The following NMNAT2 variants were observed in gnomAD, a reference collection of about 807,000 sequenced individuals.
NMNAT2 encodes nicotinamide nucleotide adenylyltransferase 2, also known as nicotinamide/nicotinic acid mononucleotide adenylyltransferase 2.
A neutral mutation model predicts 41.6 loss-of-function variants in NMNAT2; 11 were observed. The observed-to-expected ratio is 0.26, with a 90% CI of 0.17 to 0.44. The LOEUF is 0.44. Among genes scored for constraint, NMNAT2 ranks in the 20% least tolerant of loss-of-function variants. NMNAT2 has a pLI of 1.00. For synonymous variants in NMNAT2, 148 were observed against 151.2 expected, an observed-to-expected ratio of 0.98 and a Z score of 0.16; for missense variants, 288 against 407.7, an observed-to-expected ratio of 0.71 and a Z score of 2.53.
chr1:183,306,013 C>T (rs894727956), intron 1 of NMNAT2, among the ~76,000 whole-genome samples: 5 of 152,148 alleles, frequency 3.3e-5, no homozygotes, highest in Non-Finnish European at 5.9e-5. Context: ...TGAGCCACCG[C>T]GCCCGGCCCT....
At chr1:183,362,887 T>C (rs1223599232) in intron 1 of NMNAT2, among the ~76,000 whole-genome samples, 1 of 152,240 alleles carries the variant, frequency 6.6e-6, no homozygotes, top group African/African-American at 2.4e-5. Flanking sequence ...AATCAACAAT[T>C]GTATGAGGGT....
chr1:183,402,722 T>TC (rs1195159758), intron 1 of NMNAT2, among the ~76,000 whole-genome samples: 2 of 151,936 alleles, frequency 1.3e-5, no homozygotes, highest in Admixed American at 6.6e-5. Context: ...CCACTGCTGC[T>TC]CCCCCCTCCA....
chr1:183,389,816 GAAAGAAAGA>G (rs1648404594), intron 1 of NMNAT2, among the ~76,000 whole-genome samples: 1 of 57,548 alleles, frequency 1.7e-5, no homozygotes, highest in East Asian at 8.8e-4. Context: ...AAGAAAGAAA[GAAAGAAAGA>G]AAGAAAGAAA....
chr1:183,261,249 C>A lies in NMNAT2; in HGVS notation c.706G>T (p.Asp236Tyr). Residue 236 changes from aspartate to tyrosine, a missense_variant, in exon 9 of 11, where the codon GAC (aspartate) becomes TAC (tyrosine). By Grantham distance (160) the Asp-to-Tyr change is radical (BLOSUM62 -3). Coordinates refer to ENST00000287713, the MANE Select transcript of NMNAT2 (RefSeq NM_015039.4). ...GIVVVPRDAADTDRIMNHSSI... is the reference protein window; with the variant it reads ...GIVVVPRDAAYTDRIMNHSSI... ...GAGTGATTCATGATTCGGTCTGTGT[C>A]GGCTGCATCCCGGGGCACCACCACA... 1.9e-6 allele frequency: 3 copies of A among 1,614,080 alleles called. No homozygotes were observed. Among genetic ancestry groups the A allele is most frequent in the Non-Finnish European group, 2.5e-6 (3 of 1,180,038 alleles).
chr1:183,252,472 G>C lies in NMNAT2; in HGVS notation c.*169C>G, dbSNP rs1157561943. The stretch of plus-strand genomic sequence containing the variant: ...GGAAAGTCTGTCCAAAGATGACTGT[G>C]GAATAGGGAATGCCATGGTTCTCTG... On this transcript the variant is annotated 3_prime_UTR_variant, in exon 11 of 11. Coordinates refer to ENST00000287713, the MANE Select transcript of NMNAT2 (RefSeq NM_015039.4). 5 of 606,610 alleles carry C rather than the reference G, an allele frequency of 8.2e-6. No homozygotes were observed. In the East Asian group the frequency reaches 1.4e-4, roughly 17 times the overall value. 37.6% of individuals were successfully genotyped at this position (606,610 alleles called of 1,614,324 possible). A position where few individuals can be genotyped will look rare whatever the true frequency, so the allele number is the denominator to read the frequency against.
intron 1 of NMNAT2, among the ~76,000 whole-genome samples, chr1:183,401,736 T>TA (rs1208019964): frequency 2.0e-5 from 3 of 151,832 alleles, no homozygotes; most frequent in Non-Finnish European, 2.9e-5. Context: ...TATGCAGCCA[T>TA]AAAAAAGGAT....
chr1:183,314,519 A>G (rs749443727), intron 1 of NMNAT2, among the ~76,000 whole-genome samples: 2 of 152,084 alleles, frequency 1.3e-5, no homozygotes, highest in East Asian at 1.9e-4. Flanking sequence ...CTGGCACCCA[A>G]CTGATGCTCA....
chr1:183,269,203 T>A (rs1406350789), intron 8 of NMNAT2, among the ~76,000 whole-genome samples: 1 of 152,154 alleles, frequency 6.6e-6, no homozygotes, highest in Admixed American at 6.5e-5. Flanking sequence ...AGAAGAGGAT[T>A]CCCAATGAGG....
At chr1:183,408,516 G>T (rs974089763) in intron 1 of NMNAT2, among the ~76,000 whole-genome samples, 1 of 151,918 alleles carries the variant, frequency 6.6e-6, no homozygotes, top group Admixed American at 6.6e-5. Context: ...ATAGTTTGCC[G>T]ACCTCTGAGT....
intron 1 of NMNAT2, among the ~76,000 whole-genome samples, chr1:183,395,112 C>T (rs1307064653): frequency 6.6e-6 from 1 of 152,144 alleles, no homozygotes; most frequent in Admixed American, 6.5e-5. Flanking sequence ...GATAATATTG[C>T]TCCCATTTAT....
chr1:183,395,225 T>G (rs80012944), intron 1 of NMNAT2, among the ~76,000 whole-genome samples: 2,188 of 152,170 alleles, frequency 0.014, 49 homozygotes, highest in African/African-American at 0.05. Flanking sequence ...CAGAACTACA[T>G]CTGACCAGAG....
intron 8 of NMNAT2, among the ~76,000 whole-genome samples, chr1:183,267,520 G>A (rs1473833513): frequency 6.6e-6 from 1 of 152,108 alleles, no homozygotes; most frequent in Non-Finnish European, 1.5e-5. Context: ...CTTGTTTAGG[G>A]TGGGGTCAAA....
chr1:183,279,809 T>A (rs919034323), intron 7 of NMNAT2, among the ~76,000 whole-genome samples: 1 of 152,234 alleles, frequency 6.6e-6, no homozygotes, highest in Non-Finnish European at 1.5e-5. Flanking sequence ...ATTGTAACTA[T>A]GAAATATTCC....
At chr1:183,344,142 C>G (rs951020574) in intron 1 of NMNAT2, among the ~76,000 whole-genome samples, 4 of 152,162 alleles carry the variant, frequency 2.6e-5, no homozygotes, top group African/African-American at 9.7e-5. Context: ...TCATTTTCAT[C>G]ATCATTATAC....
chr1:183,316,282 G>T (rs1286093667), intron 1 of NMNAT2, among the ~76,000 whole-genome samples: 1 of 152,166 alleles, frequency 6.6e-6, no homozygotes, highest in Non-Finnish European at 1.5e-5. Flanking sequence ...GGAAAGGGTG[G>T]CAGGGCTCAG....
At chr1:183,315,606 A>G (rs1446998997) in intron 1 of NMNAT2, among the ~76,000 whole-genome samples, 2 of 151,930 alleles carry the variant, frequency 1.3e-5, no homozygotes, top group Admixed American at 1.3e-4. Context: ...AGATGGTAAA[A>G]CCCCGTCTCT....
intron 1 of NMNAT2, among the ~76,000 whole-genome samples, chr1:183,353,404 T>C (rs1192219974): frequency 6.6e-6 from 1 of 152,218 alleles, no homozygotes; most frequent in Non-Finnish European, 1.5e-5. Context: ...CCTTCTCCTT[T>C]TGATATTTTC....
At chr1:183,334,968 G>A (rs556253880) in intron 1 of NMNAT2, among the ~76,000 whole-genome samples, 5 of 152,212 alleles carry the variant, frequency 3.3e-5, no homozygotes, top group Non-Finnish European at 4.4e-5. Flanking sequence ...AGTGGAGAGA[G>A]TTAAGGAACT....
chr1:183,300,973 A>C (rs1661834789), intron 1 of NMNAT2, among the ~76,000 whole-genome samples: 1 of 152,200 alleles, frequency 6.6e-6, no homozygotes, highest in South Asian at 2.1e-4. Flanking sequence ...CTGGGATGGA[A>C]CCTGAGATCA....
Sources: gnomAD v4.1 joint callset for allele counts (sites outside exome capture counted in the v4.1 genomes callset) on GRCh38, gnomAD v4.1.1 for gene constraint, MANE v1.5 for transcripts, NCBI Gene and HGNC (gene_info 2026-07-23, HGNC 2026-07-21) for gene names.